The following FCHSD2 variants were observed in gnomAD, a reference collection of about 807,000 sequenced individuals.
The protein encoded by FCHSD2 is FCH and double SH3 domains 2, also known as F-BAR and double SH3 domains protein 2.
In FCHSD2, 38 loss-of-function variants were observed where a neutral mutation model predicts 108.1. The observed-to-expected ratio is 0.35, with a 90% CI of 0.27 to 0.46. The LOEUF is 0.46. Ranked by LOEUF, FCHSD2 falls within the 20% of genes least tolerant of loss-of-function variation. The probability of loss-of-function intolerance (pLI) is 1.00; values close to 1 mark genes in which losing one functional copy is unlikely to be tolerated. For missense variants in FCHSD2, 751 were observed against 897.8 expected (o/e 0.84, Z 2.09); for synonymous variants, 279 against 314.7 (o/e 0.89, Z 1.20).
intron 4 of FCHSD2, among the ~76,000 whole-genome samples, chr11:73,014,040 T>G (rs1029296228): frequency 2.0e-5 from 3 of 152,130 alleles, no homozygotes; most frequent in African/African-American, 7.2e-5. Flanking sequence ...CTTGCCTCTC[T>G]TGCCTAGAAT....
chr11:73,095,704 G>T (rs1480954590), intron 2 of FCHSD2, among the ~76,000 whole-genome samples: 3 of 152,166 alleles, frequency 2.0e-5, no homozygotes, highest in Non-Finnish European at 4.4e-5. Flanking sequence ...TTCTGCATTT[G>T]CAACAACAAA....
intron 1 of FCHSD2, 99 bp downstream of exon 1, chr11:73,141,758 C>T: frequency 1.5e-6 from 2 of 1,303,568 alleles, no homozygotes; most frequent in Non-Finnish European, 1.1e-6. Flanking sequence ...AGGGCGGTCA[C>T]GGCCCCTTGC....
At chr11:73,027,393 T>A (rs1252478686) in intron 3 of FCHSD2, among the ~76,000 whole-genome samples, 1 of 152,158 alleles carries the variant, frequency 6.6e-6, no homozygotes, top group Admixed American at 6.5e-5. Context: ...AGAGATGATT[T>A]AGGGTATCTG....
At chr11:73,139,701 T>C (rs1365081453) in intron 2 of FCHSD2, among the ~76,000 whole-genome samples, 2 of 152,232 alleles carry the variant, frequency 1.3e-5, no homozygotes, top group Non-Finnish European at 2.9e-5. Context: ...AATCTAACTG[T>C]GTAAAACCGT....
Position 73,100,830 on chromosome 11 carries a change from G to A in FCHSD2, c.120-17090C>T, listed in dbSNP as rs1021135325. Among the ~76,000 whole-genome samples the A allele has an allele frequency of 5.9e-5, 9 of 151,706 alleles. No homozygotes were observed. The East Asian group carries it at 1.5e-3, about 26-fold the overall frequency. On this transcript the variant is annotated intron_variant, in intron 2 of 19. Transcript: ENST00000409418. ...CATTCGTTTCTCTTTCCCAAATACTGGGCATTCCTTTTTTTAGATGCTTCT... is the reference window on the plus strand; with the variant it reads ...CATTCGTTTCTCTTTCCCAAATACTAGGCATTCCTTTTTTTAGATGCTTCT...
intron 8 of FCHSD2, among the ~76,000 whole-genome samples, chr11:72,965,516 T>G (rs1258438918): frequency 6.6e-6 from 1 of 152,262 alleles, no homozygotes; most frequent in African/African-American, 2.4e-5. Flanking sequence ...CTAATTACAT[T>G]TGTACATACT....
chr11:73,029,157 T>A (rs1400571234), intron 3 of FCHSD2, among the ~76,000 whole-genome samples: 2 of 152,190 alleles, frequency 1.3e-5, no homozygotes, highest in African/African-American at 4.8e-5. Context: ...AATAAGGAGA[T>A]AAAAATCAAT....
Position 72,993,066 on chromosome 11 carries a change from AAAAC to A in FCHSD2, c.388-3973_388-3970del, listed in dbSNP as rs553015169. Among the ~76,000 whole-genome samples, 438 of 152,258 alleles carry A rather than the reference AAAAC, an allele frequency of 2.9e-3. 1 individual carries two copies. The highest frequency in any genetic ancestry group is 4.4e-3 in the Non-Finnish European group (296 of 68,014). On this transcript the variant is annotated intron_variant, in intron 5 of 19. Coordinates refer to ENST00000409418, the MANE Select transcript of FCHSD2 (RefSeq NM_014824.3). ...TGAACTCAAACAAATTTACAAGAAA[AAAAC>A]AAACAACCCCATCAAAAAGTGGGCA...
chr11:72,983,077 G>A (rs536006242), intron 8 of FCHSD2, among the ~76,000 whole-genome samples: 55 of 151,990 alleles, frequency 3.6e-4, no homozygotes, highest in Admixed American at 9.8e-4. Flanking sequence ...GGCGGATCAC[G>A]AGGTCAGGAG....
At chr11:73,115,138 C>CT (rs926245245) in intron 2 of FCHSD2, among the ~76,000 whole-genome samples, 1 of 152,220 alleles carries the variant, frequency 6.6e-6, no homozygotes, top group African/African-American at 2.4e-5. Flanking sequence ...TATGGCTGGC[C>CT]TAAATGCTCC....
chr11:72,926,294 C>T (rs1023022014), intron 8 of FCHSD2, among the ~76,000 whole-genome samples: 2 of 152,174 alleles, frequency 1.3e-5, no homozygotes, highest in Non-Finnish European at 2.9e-5. Context: ...CACACACTTC[C>T]TCCATTCTGA....
chr11:73,115,968 A>G (rs1477741963), intron 2 of FCHSD2, among the ~76,000 whole-genome samples: 1 of 152,244 alleles, frequency 6.6e-6, no homozygotes, highest in Admixed American at 6.5e-5. Flanking sequence ...TTGATACATA[A>G]AAGTAACCAT....
chr11:73,102,402 T>A (rs1471995801), intron 2 of FCHSD2, among the ~76,000 whole-genome samples: 3 of 152,172 alleles, frequency 2.0e-5, no homozygotes, highest in African/African-American at 7.2e-5. Context: ...TAAAAACATA[T>A]GTCCACAGAA....
chr11:73,093,761 C>G (rs754927233), intron 2 of FCHSD2, among the ~76,000 whole-genome samples: 1 of 152,058 alleles, frequency 6.6e-6, no homozygotes, highest in African/African-American at 2.4e-5. Flanking sequence ...ACCACCATGC[C>G]GAGCTAATTT....
chr11:72,838,670 ATCC>A lies in FCHSD2; in HGVS notation c.*118_*120del, dbSNP rs1246676980. 133 of 786,612 alleles carry A rather than the reference ATCC, an allele frequency of 1.7e-4. 1 individual carries two copies. Among genetic ancestry groups the A allele is most frequent in the South Asian group, 2.7e-4 (17 of 63,772 alleles). 48.7% of individuals were successfully genotyped at this position (786,612 alleles called of 1,614,324 possible). On this transcript the variant is annotated 3_prime_UTR_variant, in exon 20 of 20. Transcript: ENST00000409418. ...CTACCAGGCCACCCAGTCACACATA[ATCC>A]TCCTTGTTTTTTGCTCTGTTCAAGA... is the stretch of plus-strand genomic sequence containing the variant.
intron 2 of FCHSD2, among the ~76,000 whole-genome samples, chr11:73,109,520 CT>C (rs1479616371): frequency 6.6e-6 from 1 of 152,102 alleles, no homozygotes; most frequent in African/African-American, 2.4e-5. Flanking sequence ...AGATTGTTCA[CT>C]GTTGGCATAC....
In FCHSD2 at chr11:73,068,829, A is replaced by G. The variant is rs1214141365; in HGVS notation, c.165+14866T>C. 3.6e-3 allele frequency among the ~76,000 whole-genome samples: 531 copies of G among 148,404 alleles called. 3 individuals carry two copies. Among genetic ancestry groups the G allele is most frequent in the African/African-American group, 0.012 (501 of 40,300 alleles). ...TACAAAAAGTAAAAAAAAAAAAAAA[A>G]AAAGAAAAAGAAAAAAAAATTAAAA... is the stretch of plus-strand genomic sequence containing the variant. On this transcript the variant is annotated intron_variant, in intron 3 of 19. Coordinates refer to ENST00000409418, the MANE Select transcript of FCHSD2 (RefSeq NM_014824.3).
chr11:72,913,073 A>G (rs1855795513), intron 9 of FCHSD2, among the ~76,000 whole-genome samples: 1 of 152,128 alleles, frequency 6.6e-6, no homozygotes, highest in South Asian at 2.1e-4. Flanking sequence ...GAGGTGCTAC[A>G]CACTTTTAAA....
chr11:73,020,449 C>T (rs943936106), intron 3 of FCHSD2, among the ~76,000 whole-genome samples: 1 of 152,154 alleles, frequency 6.6e-6, no homozygotes, highest in African/African-American at 2.4e-5. Context: ...ATATACTATA[C>T]CATTTTGTCA....
Sources: gnomAD v4.1 joint callset for allele counts (sites outside exome capture counted in the v4.1 genomes callset) on GRCh38, gnomAD v4.1.1 for gene constraint, MANE v1.5 for transcripts, NCBI Gene and HGNC (gene_info 2026-07-23, HGNC 2026-07-21) for gene names.